Variants in OTOGL observed in about 807,000 individuals in gnomAD.
OTOGL encodes the protein otogelin like.
In OTOGL, 285 loss-of-function variants were observed where a neutral mutation model predicts 318.5. The observed-to-expected ratio is 0.89, with a 90% CI of 0.81 to 0.99. The LOEUF is 0.99. Among genes scored for constraint, OTOGL ranks in the 50% least tolerant of loss-of-function variants. The pLI, the probability that OTOGL is intolerant of heterozygous loss-of-function variation, is 0.00. For synonymous variants in OTOGL, 987 were observed against 936.5 expected, an observed-to-expected ratio of 1.05 and a Z score of -0.99; for missense variants, 2,899 against 2,845.6, an observed-to-expected ratio of 1.02 and a Z score of -0.43.
chr12:80,248,796 G>A (rs1452594030), intron 11 of OTOGL, among the ~76,000 whole-genome samples: 8 of 150,906 alleles, frequency 5.3e-5, no homozygotes, highest in Non-Finnish European at 8.9e-5. Flanking sequence ...TCACTTTCAG[G>A]TACACGAATC....
intron 1 of OTOGL, among the ~76,000 whole-genome samples, chr12:80,117,842 T>G (rs1015705408): frequency 6.6e-6 from 1 of 152,228 alleles, no homozygotes; most frequent in Non-Finnish European, 1.5e-5. Flanking sequence ...CATATTTTCC[T>G]GCAATCTTAA....
intron 1 of OTOGL, among the ~76,000 whole-genome samples, chr12:80,206,990 CAG>C (rs1408947718): frequency 7.2e-5 from 11 of 152,050 alleles, no homozygotes; most frequent in Admixed American, 1.3e-4. Flanking sequence ...ATGAAAAGTT[CAG>C]AGTTACTACA....
intron 5 of OTOGL, among the ~76,000 whole-genome samples, chr12:80,219,124 G>A (rs1288280580): frequency 1.3e-5 from 2 of 148,686 alleles, no homozygotes; most frequent in South Asian, 4.3e-4. Context: ...TTTTTTTGTT[G>A]TTGTTGAGAC....
rs1873094424 is a variant in OTOGL at position 80,156,074 on chromosome 12, G to A, written c.-19-53339G>A. 2.0e-5 allele frequency among the ~76,000 whole-genome samples: 3 copies of A among 152,300 alleles called. No homozygotes were observed. The East Asian group carries it at 5.8e-4, about 29-fold the overall frequency. ...TTGAAGGATGCAAAATATTTTTCCT[G>A]GGTGTGCCTGTGAAGGTGTTGCCAA... On this transcript the variant is annotated intron_variant, in intron 1 of 58. Coordinates refer to ENST00000547103, the MANE Select transcript of OTOGL (RefSeq NM_001378609.3).
intron 26 of OTOGL, among the ~76,000 whole-genome samples, chr12:80,285,208 G>C (rs189033574): frequency 6.6e-6 from 1 of 151,896 alleles, no homozygotes; most frequent in Non-Finnish European, 1.5e-5. Context: ...CATTATTTCC[G>C]AGGCCTCTGT....
intron 1 of OTOGL, among the ~76,000 whole-genome samples, chr12:80,104,358 T>C (rs1313859924): frequency 6.6e-6 from 1 of 152,200 alleles, no homozygotes; most frequent in Non-Finnish European, 1.5e-5. Flanking sequence ...TCAACCCTTA[T>C]TGCTCATTAG....
intron 52 of OTOGL, among the ~76,000 whole-genome samples, chr12:80,361,612 G>T (rs1425334654): frequency 1.3e-5 from 2 of 151,334 alleles, no homozygotes; most frequent in African/African-American, 4.9e-5. Flanking sequence ...AGCATGCAGG[G>T]TTTCTTTTTC....
intron 1 of OTOGL, among the ~76,000 whole-genome samples, chr12:80,137,349 G>A (rs1040861052): frequency 2.6e-5 from 4 of 152,016 alleles, no homozygotes; most frequent in Admixed American, 6.6e-5. Flanking sequence ...ACAATCAATT[G>A]TGAACACTTA....
intron 52 of OTOGL, 108 bp downstream of exon 52, chr12:80,359,008 A>G: frequency 1.1e-6 from 1 of 912,972 alleles, no homozygotes. Context: ...AATTACCCAC[A>G]TTAAATTGTA....
chr12:80,255,033 T>C lies in OTOGL; in HGVS notation c.1442-7T>C. 4 of 1,440,564 alleles carry C rather than the reference T, an allele frequency of 2.8e-6. No homozygotes were observed. The highest frequency in any genetic ancestry group is 3.6e-6 in the Non-Finnish European group (4 of 1,100,082). 89.2% of individuals were successfully genotyped at this position (1,440,564 alleles called of 1,614,324 possible). On this transcript the variant is annotated splice_region_variant and splice_polypyrimidine_tract_variant and intron_variant, in intron 15 of 58. Transcript: ENST00000547103. ...CTTTTTCTTTGTTTTCTTTTTTTTTTTGGCAGTTCAATGCTCAGTTGTAGG... is the reference window on the plus strand; with the variant it reads ...CTTTTTCTTTGTTTTCTTTTTTTTTCTGGCAGTTCAATGCTCAGTTGTAGG...
intron 1 of OTOGL, among the ~76,000 whole-genome samples, chr12:80,186,331 C>T (rs12423804): frequency 0.37 from 55,770 of 151,934 alleles, 12,364 homozygotes; most frequent in Admixed American, 0.52. Flanking sequence ...TACTTAGCCG[C>T]GTCTCTCCCA....
At chr12:80,363,943 G>T (rs1278075008) in intron 52 of OTOGL, among the ~76,000 whole-genome samples, 1 of 151,808 alleles carries the variant, frequency 6.6e-6, no homozygotes, top group Non-Finnish European at 1.5e-5. Flanking sequence ...TTCCCAAGTG[G>T]ATTTCTACCA....
At chr12:80,331,333 ATTTTTTTT>A (rs386377119) in intron 37 of OTOGL, among the ~76,000 whole-genome samples, 6 of 81,816 alleles carry the variant, frequency 7.3e-5, no homozygotes, top group African/African-American at 1.9e-4. Context: ...AGTCATTAGA[ATTTTTTTT>A]TTTTTTTTTT....
At position 80,232,915 on chromosome 12, in the gene OTOGL, G is replaced by A. The variant is rs763431812; in HGVS notation, c.635G>A (p.Gly212Glu). ...AGTTTAACATTGCCTCAGACAATTG[G>A]ACAGATTTTCATTGAGAAACTAGCT... Reference protein sequence around the residue: ...GISLTLPQTIGQIFIEKLADY... With the variant: ...GISLTLPQTIEQIFIEKLADY... Residue 212 changes from glycine to glutamate, a missense_variant, in exon 9 of 59, where the codon GGA (glycine) becomes GAA (glutamate). Gly to Glu is a moderately conservative substitution (Grantham distance 98). Around this residue, in one of 3 missense-constraint regions of OTOGL, gnomAD observed 2,607 missense variants for 2,524.9 expected, o/e 1.03. Transcript: ENST00000547103. The A allele has an allele frequency of 3.8e-6, 6 of 1,598,656 alleles. No homozygotes were observed. The highest frequency in any genetic ancestry group is 1.1e-5 in the South Asian group (1 of 91,030).
At chr12:80,249,768 C>T (rs1013933497) in intron 11 of OTOGL, among the ~76,000 whole-genome samples, 4 of 152,190 alleles carry the variant, frequency 2.6e-5, no homozygotes, top group African/African-American at 7.2e-5. Context: ...CCCAGCCTCG[C>T]TGCCGCCTTG....
chr12:80,127,938 C>A (rs1161514940), intron 1 of OTOGL, among the ~76,000 whole-genome samples: 2 of 152,100 alleles, frequency 1.3e-5, no homozygotes, highest in Non-Finnish European at 2.9e-5. Context: ...GTTAGCCATT[C>A]ATCTAATCTT....
chr12:80,189,814 C>T (rs760061768), intron 1 of OTOGL, among the ~76,000 whole-genome samples: 7 of 152,104 alleles, frequency 4.6e-5, no homozygotes, highest in Non-Finnish European at 8.8e-5. Flanking sequence ...GTCTTCTTTG[C>T]GCAGGAGTAA....
chr12:80,149,789 C>G (rs1044127365), intron 1 of OTOGL, among the ~76,000 whole-genome samples: 5 of 152,154 alleles, frequency 3.3e-5, no homozygotes, highest in East Asian at 1.9e-4. Context: ...TTTTTAAGCC[C>G]GTCGGAAAAG....
intron 6 of OTOGL, among the ~76,000 whole-genome samples, chr12:80,220,193 T>C (rs1461685239): frequency 6.6e-6 from 1 of 152,138 alleles, no homozygotes; most frequent in African/African-American, 2.4e-5. Flanking sequence ...AGAGTCTCAC[T>C]CTGTCACTCA....
Sources: gnomAD v4.1 joint callset for allele counts (sites outside exome capture counted in the v4.1 genomes callset) on GRCh38, gnomAD v4.1.1 for gene constraint, gnomAD v4.1.1 regional missense constraint, MANE v1.5 for transcripts, NCBI Gene and HGNC (gene_info 2026-07-23, HGNC 2026-07-21) for gene names.